Variants in ACMSD observed in about 807,000 individuals in gnomAD.
The protein encoded by ACMSD is aminocarboxymuconate semialdehyde decarboxylase, also known as 2-amino-3-carboxymuconate-6-semialdehyde decarboxylase.
ACMSD carries 37 observed loss-of-function variants against 45.9 expected under a neutral mutation model. That is an observed-to-expected ratio of 0.81 (90% CI 0.62 to 1.06). The LOEUF is 1.06. Among genes scored for constraint, ACMSD ranks in the 50% least tolerant of loss-of-function variants. The pLI, the probability that ACMSD is intolerant of heterozygous loss-of-function variation, is 0.00. For synonymous variants in ACMSD, 138 were observed against 148.8 expected (o/e 0.93, Z 0.53); for missense variants, 434 against 420.9 (o/e 1.03, Z -0.27).
At chr2:134,875,230 A>C (rs1211974106) in intron 8 of ACMSD, among the ~76,000 whole-genome samples, 5 of 152,118 alleles carry the variant, frequency 3.3e-5, no homozygotes, top group African/African-American at 1.2e-4. Flanking sequence ...GGACTTCAGC[A>C]ATCTGCCTGC....
chr2:134,863,447 C>A lies in ACMSD; in HGVS notation c.302C>A (p.Ala101Asp). 1.2e-6 allele frequency: 2 copies of A among 1,614,234 alleles called. No homozygotes were observed. The highest frequency in any genetic ancestry group is 1.7e-6 in the Non-Finnish European group (2 of 1,180,044). Residue 101 changes from alanine to aspartate, a missense_variant, in exon 5 of 10, where the codon GCC becomes GAC. Ala to Asp is a moderately radical substitution (Grantham distance 126, BLOSUM62 -2). Transcript: ENST00000356140. ...TGCCAGCTTTTAAACAACGACCTTG[C>A]CAGCACCGTTGTGAGCTACCCCAGG... ...NLCQLLNNDL[A>D]STVVSYPRRF...
intron 4 of ACMSD, chr2:134,863,057 A>AG (rs75599712): frequency 0.2 from 194,039 of 984,402 alleles, 19,958 homozygotes; most frequent in East Asian, 0.37. Flanking sequence ...CCTGGGAGGT[A>AG]GGGGGGCATT....
At position 134,838,638 on chromosome 2, in the gene ACMSD, G is replaced by A. The variant is rs1314567645; in HGVS notation, c.-45G>A. The A allele has an allele frequency of 6.5e-7, 1 of 1,534,830 alleles. No individual in the cohort carries two copies. Among genetic ancestry groups the A allele is most frequent in the Non-Finnish European group, 9.0e-7 (1 of 1,114,146 alleles). ...TCCACAGTTTTCACAAAGGTCTCTT[G>A]ATATCAAAACTTCTTTCCTTGCATG... On this transcript the variant is annotated 5_prime_UTR_variant, in exon 1 of 10. Transcript: ENST00000356140.
chr2:134,891,174 T>C (rs968106826), intron 8 of ACMSD, among the ~76,000 whole-genome samples: 12 of 152,078 alleles, frequency 7.9e-5, no homozygotes, highest in African/African-American at 2.9e-4. Flanking sequence ...TTTTGTTGCT[T>C]GTGCTTTTGA....
chr2:134,868,971 A>G (rs747601902), intron 6 of ACMSD: 3 of 152,176 alleles, frequency 2.0e-5, no homozygotes, highest in Non-Finnish European at 4.4e-5. Flanking sequence ...CCTCATCCGT[A>G]AAATGAGAAT....
At chr2:134,867,302 T>C (rs1458590814) in intron 5 of ACMSD, 10 of 233,418 alleles carry the variant, frequency 4.3e-5, no homozygotes, top group Non-Finnish European at 1.6e-5. Flanking sequence ...GGATATTTCC[T>C]GACGCTTGTT....
chr2:134,872,927 G>A (rs1688532569), intron 8 of ACMSD: 1 of 372,116 alleles, frequency 2.7e-6, no homozygotes, highest in East Asian at 4.9e-5. Context: ...CTTCCTTAGC[G>A]ACATCCCTAT....
At chr2:134,850,269 C>CTTTT (rs774889131) in intron 2 of ACMSD, among the ~76,000 whole-genome samples, 1 of 110,568 alleles carries the variant, frequency 9.0e-6, no homozygotes, top group African/African-American at 3.3e-5. Context: ...AAATAGATTT[C>CTTTT]TTTTTTTTTT....
chr2:134,840,176 A>AAAAAAAAAC (rs1389419782), intron 1 of ACMSD, among the ~76,000 whole-genome samples: 1 of 138,862 alleles, frequency 7.2e-6, no homozygotes, highest in East Asian at 2.5e-4. Context: ...GCAAAAAAAA[A>AAAAAAAAAC]AAAAAAAAAA....
chr2:134,879,356 C>G (rs1688914687), intron 8 of ACMSD, among the ~76,000 whole-genome samples: 1 of 152,202 alleles, frequency 6.6e-6, no homozygotes, highest in South Asian at 2.1e-4. Flanking sequence ...AGAGTCTTTA[C>G]AAGGACCTTT....
At chr2:134,842,477 C>T (rs925505433) in intron 1 of ACMSD, among the ~76,000 whole-genome samples, 1 of 152,098 alleles carries the variant, frequency 6.6e-6, no homozygotes, top group African/African-American at 2.4e-5. Flanking sequence ...ACCCCTACCA[C>T]CATCCCCACT....
chr2:134,878,144 C>T (rs184461665), intron 8 of ACMSD, among the ~76,000 whole-genome samples: 73 of 152,240 alleles, frequency 4.8e-4, no homozygotes, highest in Middle Eastern at 3.4e-3. Flanking sequence ...GTTCCTCACA[C>T]ACTCAATATA....
At chr2:134,858,380 G>C (rs1687678970) in intron 2 of ACMSD, among the ~76,000 whole-genome samples, 2 of 152,170 alleles carry the variant, frequency 1.3e-5, no homozygotes, top group South Asian at 4.1e-4. Flanking sequence ...GGGGTGGGGA[G>C]AGATTGAGAA....
At chr2:134,884,792 T>G (rs1689228994) in intron 8 of ACMSD, among the ~76,000 whole-genome samples, 1 of 152,186 alleles carries the variant, frequency 6.6e-6, no homozygotes, top group African/African-American at 2.4e-5. Flanking sequence ...CCCATATTAT[T>G]TCATATAAAT....
intron 1 of ACMSD, among the ~76,000 whole-genome samples, chr2:134,841,686 G>A (rs1034648951): frequency 3.3e-5 from 5 of 152,170 alleles, no homozygotes; most frequent in African/African-American, 1.2e-4. Flanking sequence ...GCAACAATGA[G>A]GATGATACAG....
chr2:134,901,852 T>C lies in ACMSD; in HGVS notation c.1003T>C (p.Phe335Leu), dbSNP rs746969756. The C allele has an allele frequency of 1.9e-5, 31 of 1,599,604 alleles. No homozygotes were observed. In the Admixed American group the frequency reaches 5.2e-4, roughly 27 times the overall value. Residue 335 changes from phenylalanine (F) to leucine (L), a missense_variant, in exon 10 of 10, where the codon TTT becomes CTT. Physicochemically the swap from Phe to Leu is conservative, Grantham distance 22. Coordinates refer to ENST00000356140, the MANE Select transcript of ACMSD (RefSeq NM_138326.3). The stretch of plus-strand genomic sequence containing the variant: ...ATTTTTGGGTCTTGAGAGAAAACAA[T>C]TTGAATGACTGAATTTACTACAAAG... ...LAFLGLERKQ[F>L]E
chr2:134,845,539 C>G (rs1462876623), intron 2 of ACMSD, among the ~76,000 whole-genome samples: 1 of 151,454 alleles, frequency 6.6e-6, no homozygotes, highest in Admixed American at 6.6e-5. Flanking sequence ...CTCTCTCTCT[C>G]TCTCTCTCTC....
intron 7 of ACMSD, among the ~76,000 whole-genome samples, chr2:134,871,790 A>G (rs565585773): frequency 6.6e-6 from 1 of 152,010 alleles, no homozygotes; most frequent in Admixed American, 6.6e-5. Flanking sequence ...CAGGTCAACA[A>G]ATACAGAGCT....
At chr2:134,880,513 AT>A (rs958450660) in intron 8 of ACMSD, among the ~76,000 whole-genome samples, 59 of 150,510 alleles carry the variant, frequency 3.9e-4, no homozygotes, top group Middle Eastern at 3.4e-3. Flanking sequence ...TTTCTGGGAG[AT>A]TTTTTTCAAC....
Sources: allele counts gnomAD v4.1 joint callset (sites outside exome capture counted in the v4.1 genomes callset), GRCh38; gene constraint gnomAD v4.1.1; transcripts MANE v1.5; gene names NCBI Gene and HGNC (gene_info 2026-07-23, HGNC 2026-07-21).